Variants in CHD9 observed in about 807,000 individuals in gnomAD.
CHD9 encodes the protein ATP-dependent chromatin remodeler CHD9.
CHD9 carries 77 observed loss-of-function variants against 316.1 expected under a neutral mutation model. The observed-to-expected ratio is 0.24, with a 90% CI of 0.20 to 0.29. The LOEUF is 0.29. CHD9 is among the 10% of genes least tolerant of loss of function. The pLI is 1.00. For synonymous variants in CHD9, 1,129 were observed against 1,158.3 expected (o/e 0.97, Z 0.51); for missense variants, 2,763 against 3,438.1 (o/e 0.80, Z 4.91).
intron 36 of CHD9, among the ~76,000 whole-genome samples, chr16:53,317,521 CTCACTT>C (rs2153107624): frequency 6.6e-6 from 1 of 152,150 alleles, no homozygotes; most frequent in African/African-American, 2.4e-5. Context: ...GAGACAGGGC[CTCACTT>C]TGTTGCCCAG....
intron 1 of CHD9, among the ~76,000 whole-genome samples, chr16:53,102,759 C>T (rs906008008): frequency 6.6e-5 from 10 of 152,136 alleles, no homozygotes; most frequent in East Asian, 2.0e-4. Flanking sequence ...CTGAGGCAGA[C>T]GGATTGCTTG....
chr16:53,107,289 G>A (rs774069879), intron 1 of CHD9, among the ~76,000 whole-genome samples: 11 of 151,674 alleles, frequency 7.3e-5, no homozygotes, highest in African/African-American at 1.2e-4. Context: ...GCGAAACCCC[G>A]TCTCTACTAA....
chr16:53,148,463 T>G (rs1315791129), intron 1 of CHD9, among the ~76,000 whole-genome samples: 1 of 152,192 alleles, frequency 6.6e-6, no homozygotes, highest in Non-Finnish European at 1.5e-5. Flanking sequence ...CCATTTTACA[T>G]TCCTATGAGA....
At position 53,157,144 on chromosome 16, in the gene CHD9, C is replaced by T. The variant is rs1026250197; in HGVS notation, c.1055C>T (p.Ser352Leu). 1.2e-5 allele frequency: 19 copies of T among 1,609,494 alleles called. No homozygotes were observed. The highest frequency in any genetic ancestry group is 1.6e-5 in the Non-Finnish European group (19 of 1,177,610). ...CATCCTCAGGGTAATTATAGCAATTCAAAATTATCTCCTGTGCACATGAAC... is the reference window on the plus strand; with the variant it reads ...CATCCTCAGGGTAATTATAGCAATTTAAAATTATCTCCTGTGCACATGAAC... ...SSHPQGNYSN[S>L]KLSPVHMNFP... Residue 352 changes from serine (S) to leucine (L), a missense_variant, in exon 2 of 39, where the codon TCA becomes TTA. By Grantham distance (145) the Ser-to-Leu change is moderately radical (BLOSUM62 -2). Around this residue, in one of 15 missense-constraint regions of CHD9, gnomAD observed 859 missense variants for 890.4 expected, o/e 0.96. Transcript: ENST00000447540.
chr16:53,200,526 T>C (rs1308630178), intron 2 of CHD9, among the ~76,000 whole-genome samples: 2 of 151,968 alleles, frequency 1.3e-5, no homozygotes, highest in Non-Finnish European at 2.9e-5. Context: ...TTGGTACAAA[T>C]GAATGAATAA....
intron 3 of CHD9, among the ~76,000 whole-genome samples, chr16:53,220,023 G>A (rs2047103049): frequency 6.6e-6 from 1 of 152,192 alleles, no homozygotes; most frequent in Non-Finnish European, 1.5e-5. Flanking sequence ...GTCATATGGG[G>A]TCTAACAGTA....
At chr16:53,253,992 C>T (rs1471760310) in intron 17 of CHD9, among the ~76,000 whole-genome samples, 13 of 152,114 alleles carry the variant, frequency 8.5e-5, no homozygotes, top group African/African-American at 2.9e-4. Context: ...GCCTGGCCAA[C>T]ATGGTGAAAC....
At chr16:53,099,593 C>G (rs2036665362) in intron 1 of CHD9, among the ~76,000 whole-genome samples, 1 of 152,134 alleles carries the variant, frequency 6.6e-6, no homozygotes, top group Non-Finnish European at 1.5e-5. Flanking sequence ...GCTGCTTTCT[C>G]CTTCCTCCCC....
intron 22 of CHD9, among the ~76,000 whole-genome samples, chr16:53,269,884 C>T (rs1476121551): frequency 6.6e-6 from 1 of 152,038 alleles, no homozygotes; most frequent in East Asian, 1.9e-4. Context: ...TAGTCTCCCG[C>T]CCCCCACAAT....
intron 1 of CHD9, among the ~76,000 whole-genome samples, chr16:53,087,904 TG>T (rs1399682453): frequency 6.6e-6 from 1 of 150,740 alleles, no homozygotes; most frequent in East Asian, 2.0e-4. Context: ...GCCGAGATCA[TG>T]CCATTGCACT....
intron 1 of CHD9, among the ~76,000 whole-genome samples, chr16:53,066,696 C>T (rs766752678): frequency 5.3e-5 from 8 of 152,126 alleles, no homozygotes; most frequent in Non-Finnish European, 8.8e-5. Context: ...AGCTTCTTCT[C>T]TGCAGGCATT....
chr16:53,195,357 G>A (rs1404779124), intron 2 of CHD9, among the ~76,000 whole-genome samples: 1 of 152,172 alleles, frequency 6.6e-6, no homozygotes, highest in Non-Finnish European at 1.5e-5. Context: ...TTGGGTATAC[G>A]AATATATTTT....
At chr16:53,279,857 G>T (rs1380655952) in intron 24 of CHD9, among the ~76,000 whole-genome samples, 1 of 152,074 alleles carries the variant, frequency 6.6e-6, no homozygotes, top group Non-Finnish European at 1.5e-5. Flanking sequence ...CAAAAAGTGG[G>T]CTAAGGACAC....
Position 53,222,702 on chromosome 16 carries a change from A to G in CHD9, c.1843A>G (p.Ile615Val), listed in dbSNP as rs371848065. Residue 615 changes from isoleucine to valine, a missense_variant, in exon 4 of 39, where the codon ATA becomes GTA. Physicochemically the swap from Ile to Val is conservative, Grantham distance 29. Around this residue, in one of 15 missense-constraint regions of CHD9, gnomAD observed 859 missense variants for 890.4 expected, o/e 0.96. Transcript: ENST00000447540. ...AAGAAAGAATGAGTCTTCAGATGAA[A>G]TATCTGATGCAGAACAGATGCCACA... ...QKRKNESSDE[I>V]SDAEQMPQHT... 1 of 1,584,156 alleles carries G rather than the reference A, an allele frequency of 6.3e-7. No individual in the cohort carries two copies. Among genetic ancestry groups the G allele is most frequent in the Non-Finnish European group, 8.6e-7 (1 of 1,161,290 alleles).
intron 2 of CHD9, among the ~76,000 whole-genome samples, chr16:53,195,531 A>T (rs1463759815): frequency 6.6e-6 from 1 of 152,012 alleles, no homozygotes; most frequent in Non-Finnish European, 1.5e-5. Flanking sequence ...GCAGTATCTC[A>T]TCTGAGGCTC....
chr16:53,293,686 C>G (rs957767068), intron 29 of CHD9, among the ~76,000 whole-genome samples: 1 of 144,416 alleles, frequency 6.9e-6, no homozygotes, highest in Non-Finnish European at 1.5e-5. Context: ...CGCCATGGCT[C>G]ACACCTGTAA....
At chr16:53,222,257 A>G (rs1261883480) in intron 3 of CHD9, among the ~76,000 whole-genome samples, 1 of 151,996 alleles carries the variant, frequency 6.6e-6, no homozygotes, top group Non-Finnish European at 1.5e-5. Flanking sequence ...TTGTATTTTT[A>G]GTAGAGATGG....
intron 1 of CHD9, among the ~76,000 whole-genome samples, chr16:53,086,119 C>A (rs947183166): frequency 6.6e-6 from 1 of 152,128 alleles, no homozygotes; most frequent in African/African-American, 2.4e-5. Context: ...ATGCCCAGAG[C>A]TTCAAGGGGA....
chr16:53,308,902 T>C, intron 34 of CHD9, 48 bp downstream of exon 34: 1 of 1,449,928 alleles, frequency 6.9e-7, no homozygotes, highest in Non-Finnish European at 9.5e-7. Context: ...TTTTCTGTCA[T>C]GTCCAAATCT....
Sources: gnomAD v4.1 joint callset for allele counts (sites outside exome capture counted in the v4.1 genomes callset) on GRCh38, gnomAD v4.1.1 for gene constraint, gnomAD v4.1.1 regional missense constraint, MANE v1.5 for transcripts, NCBI Gene and HGNC (gene_info 2026-07-23, HGNC 2026-07-21) for gene names.